ATG2B: variants seen among roughly 807,000 people sequenced by gnomAD.
ATG2B encodes the protein autophagy related 2B.
In ATG2B, 121 loss-of-function variants were observed where a neutral mutation model predicts 241.3. That is an observed-to-expected ratio of 0.50 (90% CI 0.43 to 0.58). ATG2B has a LOEUF of 0.58. Among genes scored for constraint, ATG2B ranks in the 20% least tolerant of loss-of-function variants. The pLI is 0.00. For missense variants in ATG2B, 2,306 were observed against 2,491.6 expected (o/e 0.93, Z 1.59); for synonymous variants, 858 against 876.6 (o/e 0.98, Z 0.37).
chr14:96,305,534 T>A (rs1886917453), intron 31 of ATG2B, 55 bp downstream of exon 31: 5 of 1,230,954 alleles, frequency 4.1e-6, no homozygotes, highest in Non-Finnish European at 5.7e-6. Flanking sequence ...ATTCTATTTT[T>A]CTAAGAAAAG....
Position 96,279,588 on chromosome 14 carries a change from T to A in ATG2B, c.*6167A>T, listed in dbSNP as rs1056448320. The A allele has an allele frequency of 2.0e-5, 3 of 152,112 alleles. No homozygotes were observed. Among genetic ancestry groups the A allele is most frequent in the Non-Finnish European group, 2.9e-5 (2 of 68,066 alleles). 9.4% of individuals were successfully genotyped at this position (152,112 alleles called of 1,614,324 possible). On this transcript the variant is annotated 3_prime_UTR_variant, in exon 42 of 42. Transcript: ENST00000359933. ...TTAACAAACAAAAAAAAGGAAAGCA[T>A]GCTATAGTGGGAAACAGAGAGGAAG... is the stretch of plus-strand genomic sequence containing the variant.
At chr14:96,307,180 G>C (rs1253172049) in intron 29 of ATG2B, among the ~76,000 whole-genome samples, 2 of 152,174 alleles carry the variant, frequency 1.3e-5, no homozygotes, top group Middle Eastern at 3.2e-3. Context: ...AGAAGGCCGA[G>C]ATGGGTGGAT....
rs1886137514 is a variant in ATG2B, at chr14:96,279,424, C to CAT, written c.*6330_*6331insAT. 2.1e-5 allele frequency: 1 copy of CAT among 47,310 alleles called. No homozygotes were observed. The highest frequency in any genetic ancestry group is 9.9e-5 in the African/African-American group (1 of 10,078). The allele number at this position is 47,310 out of a possible 1,614,324, so 2.9% of individuals were successfully genotyped here. A position where few individuals can be genotyped will look rare whatever the true frequency, so the allele number is the denominator to read the frequency against. On this transcript the variant is annotated 3_prime_UTR_variant, in exon 42 of 42. Coordinates refer to ENST00000359933, the MANE Select transcript of ATG2B (RefSeq NM_018036.7). The stretch of plus-strand genomic sequence containing the variant: ...ACTCACTCATTCATTCATTCATTCA[C>CAT]TCATTCACCATTTGCTGATCCCTGA...
intron 32 of ATG2B, among the ~76,000 whole-genome samples, chr14:96,303,842 A>G (rs8005385): frequency 0.25 from 37,771 of 152,088 alleles, 4,936 homozygotes; most frequent in Non-Finnish European, 0.28. Flanking sequence ...AAAATTCTCA[A>G]TAGGAATAAG....
At position 96,331,465 on chromosome 14, in the gene ATG2B, T is replaced by C; in HGVS notation, c.1641A>G (p.Ile547Met). 1 of 1,614,132 alleles carries C rather than the reference T, an allele frequency of 6.2e-7. No homozygotes were observed. The highest frequency in any genetic ancestry group is 1.1e-5 in the South Asian group (1 of 91,074). The change falls in exon 11 of 42, where the codon ATA (isoleucine) becomes ATG (methionine). Residue 547 changes from isoleucine (I) to methionine (M), a missense_variant. By Grantham distance (10) the Ile-to-Met change is conservative. Transcript: ENST00000359933. Reference sequence around the variant, plus strand: ...AAAATCTTGCTGGATCAATCTTTTCTATACAAGTAAAGAAAGCTACTGCCA... The same window carrying C: ...AAAATCTTGCTGGATCAATCTTTTCCATACAAGTAAAGAAAGCTACTGCCA... ...TPMAVAFFTC[I>M]EKIDPARFST...
chr14:96,341,597 C>T lies in ATG2B; in HGVS notation c.849G>A (p.Val283=), dbSNP rs1209361456. 6.2e-7 allele frequency: 1 copy of T among 1,607,028 alleles called. No homozygotes were observed. The highest frequency in any genetic ancestry group is 1.3e-5 in the African/African-American group (1 of 74,760). The change falls in exon 6 of 42, where the codon GTG becomes GTA. Residue 283 remains valine, a synonymous_variant. Transcript: ENST00000359933. Reference sequence around the variant, plus strand: ...ACCTACCAATTAACCGTCCAATCTGCACTGGGTCAGAAGGTGCTATCTCTG... The same window carrying T: ...ACCTACCAATTAACCGTCCAATCTGTACTGGGTCAGAAGGTGCTATCTCTG... ...NLPEIAPSDP[V]QIGRLIGRLE...
chr14:96,333,690 C>G lies in ATG2B; in HGVS notation c.1205G>C (p.Arg402Pro). The G allele has an allele frequency of 6.2e-7, 1 of 1,612,230 alleles. No individual in the cohort carries two copies. Among genetic ancestry groups the G allele is most frequent in the Non-Finnish European group, 8.5e-7 (1 of 1,179,242 alleles). The change falls in exon 8 of 42, where the codon CGT (arginine) becomes CCT (proline). Residue 402 changes from arginine to proline, a missense_variant and splice_region_variant. Coordinates refer to ENST00000359933, the MANE Select transcript of ATG2B (RefSeq NM_018036.7). ...ETETARTPSS[R>P]EEEVFFSMAD... Reference sequence around the variant, plus strand: ...TGTCAACAGTTTGAGTTGCTTACCACGGCTAGAAGGTGTACGAGCTGTTTC... The same window carrying G: ...TGTCAACAGTTTGAGTTGCTTACCAGGGCTAGAAGGTGTACGAGCTGTTTC...
At chr14:96,352,472 T>A (rs960120025) in intron 1 of ATG2B, among the ~76,000 whole-genome samples, 1 of 152,066 alleles carries the variant, frequency 6.6e-6, no homozygotes, top group African/African-American at 2.4e-5. Context: ...AAAGGACAGC[T>A]CCATGCATGT....
At position 96,332,661 on chromosome 14, in the gene ATG2B, G is replaced by A. The variant is rs1595318588; in HGVS notation, c.1208-6C>T. ...GGAGAAGAATACTTCTTCTTCTAGA[G>A]AGAATTAAACTATGTCACTTGTATT... On this transcript the variant is annotated splice_region_variant and splice_polypyrimidine_tract_variant and intron_variant, in intron 8 of 41. Coordinates refer to ENST00000359933, the MANE Select transcript of ATG2B (RefSeq NM_018036.7). 7.1e-6 allele frequency: 11 copies of A among 1,549,220 alleles called. No individual in the cohort carries two copies. The highest frequency in any genetic ancestry group is 2.2e-5 in the East Asian group (1 of 44,456).
At position 96,341,528 on chromosome 14, in the gene ATG2B, T is replaced by C. The variant is rs1404950478; in HGVS notation, c.918A>G (p.Gly306=). The C allele has an allele frequency of 1.3e-6, 2 of 1,577,968 alleles. No individual in the cohort carries two copies. Among genetic ancestry groups the C allele is most frequent in the Non-Finnish European group, 1.7e-6 (2 of 1,162,358 alleles). The stretch of plus-strand genomic sequence containing the variant: ...AAGTGAAACAAACACTGACCTTAGC[T>C]CCAGGAAGCACTTCATTCTGTTTCA... ...LTLKQNEVLP[G]AKLDVDGQID... is the part of the protein sequence containing the mutation. Residue 306 remains glycine (G), a synonymous_variant, in exon 6 of 42, where the codon GGA becomes GGG. Transcript: ENST00000359933.
At chr14:96,342,872 C>T (rs1888078500) in intron 5 of ATG2B, among the ~76,000 whole-genome samples, 1 of 151,992 alleles carries the variant, frequency 6.6e-6, no homozygotes, top group Non-Finnish European at 1.5e-5. Flanking sequence ...ACTTCTACAC[C>T]ATTTTCCCCC....
Position 96,332,356 on chromosome 14 carries a change from C to CTCT in ATG2B, c.1414_1416dup (p.Arg472dup), listed in dbSNP as rs770224794. The CTCT allele has an allele frequency of 8.7e-6, 14 of 1,613,732 alleles. No individual in the cohort carries two copies. Among genetic ancestry groups the CTCT allele is most frequent in the Non-Finnish European group, 1.2e-5 (14 of 1,179,832 alleles). ...ACTAGGTTGGATGGAAATGTTGACC[C>CTCT]TCTTACTGGCTGTTCTTTATGATGA... On this transcript the variant is annotated inframe_insertion, in exon 10 of 42. Transcript: ENST00000359933.
In ATG2B at chr14:96,290,251, G is replaced by T; in HGVS notation, c.5856+185C>A. Reference sequence around the variant, plus strand: ...AACAAATCTGACACTGTATTCCACTGCTTTATTCTAATTATTTAACACTAA... The same window carrying T: ...AACAAATCTGACACTGTATTCCACTTCTTTATTCTAATTATTTAACACTAA... On this transcript the variant is annotated intron_variant, in intron 40 of 41. Transcript: ENST00000359933. This position sits in a 1 kb window ranked among gnomAD's most constrained non-coding sequence, Gnocchi z 4.4. 1 of 1,247,936 alleles carries T rather than the reference G, an allele frequency of 8.0e-7. No individual in the cohort carries two copies. Among genetic ancestry groups the T allele is most frequent in the Non-Finnish European group, 1.1e-6 (1 of 948,772 alleles). The allele number at this position is 1,247,936 out of a possible 1,614,324, so 77.3% of individuals were successfully genotyped here.
At position 96,323,953 on chromosome 14, in the gene ATG2B, T is replaced by C. The variant is rs1887523585; in HGVS notation, c.2483A>G (p.His828Arg). 1.2e-6 allele frequency: 2 copies of C among 1,611,188 alleles called. No individual in the cohort carries two copies. Among genetic ancestry groups the C allele is most frequent in the Admixed American group, 1.7e-5 (1 of 59,372 alleles). ...ATCTCCATCTACTCCACTAGACACATGGAAAAACTTAATAGATGGATCTCC... is the reference window on the plus strand; with the variant it reads ...ATCTCCATCTACTCCACTAGACACACGGAAAAACTTAATAGATGGATCTCC... ...EKGDPSIKFFHVSSGVDGDTT... is the reference protein window; with the variant it reads ...EKGDPSIKFFRVSSGVDGDTT... Residue 828 changes from histidine (H) to arginine (R), a missense_variant, in exon 16 of 42, where the codon CAT becomes CGT. His to Arg is a conservative substitution (Grantham distance 29). Around this residue, in one of 2 missense-constraint regions of ATG2B, gnomAD observed 1,927 missense variants for 2,011.2 expected, o/e 0.96. Coordinates refer to ENST00000359933, the MANE Select transcript of ATG2B (RefSeq NM_018036.7).
chr14:96,338,368 C>G (rs1367816162), intron 6 of ATG2B, among the ~76,000 whole-genome samples: 1 of 151,980 alleles, frequency 6.6e-6, no homozygotes, highest in Non-Finnish European at 1.5e-5. Context: ...TGTTCCAGTT[C>G]TCAGGGGGAA....
chr14:96,360,022 T>C (rs1276080015), intron 1 of ATG2B, among the ~76,000 whole-genome samples: 2 of 152,220 alleles, frequency 1.3e-5, no homozygotes, highest in Non-Finnish European at 2.9e-5. Flanking sequence ...GGATGTTCCT[T>C]CCACTTCTGC....
chr14:96,342,813 A>G (rs1004379617), intron 5 of ATG2B, among the ~76,000 whole-genome samples: 4 of 152,068 alleles, frequency 2.6e-5, no homozygotes, highest in African/African-American at 9.7e-5. Context: ...CTATAAAAAT[A>G]TTCAAAAATC....
In ATG2B at chr14:96,290,729, G is replaced by C; in HGVS notation, c.5701+85C>G. On this transcript the variant is annotated intron_variant, in intron 39 of 41. Transcript: ENST00000359933. The surrounding 1 kb of genome is among the most constrained non-coding windows in gnomAD (Gnocchi z 4.4). The stretch of plus-strand genomic sequence containing the variant: ...ACATATGTGAGTTTTCTAGACTAAT[G>C]GTCCTCACATAAGTTCTCAAAGGGA... 1.9e-6 allele frequency: 3 copies of C among 1,539,860 alleles called. No individual in the cohort carries two copies. The highest frequency in any genetic ancestry group is 4.5e-5 in the East Asian group (2 of 44,352).
chr14:96,308,163 T>C (rs1208346901), intron 29 of ATG2B, among the ~76,000 whole-genome samples: 2 of 142,076 alleles, frequency 1.4e-5, no homozygotes, highest in Non-Finnish European at 3.0e-5. Flanking sequence ...CACACACACA[T>C]ATATAAATAT....
Sources: gnomAD v4.1 joint callset for allele counts (sites outside exome capture counted in the v4.1 genomes callset) on GRCh38, gnomAD v4.1.1 for gene constraint, gnomAD v4.1.1 regional missense constraint, Gnocchi (gnomAD v3.1) non-coding constraint, MANE v1.5 for transcripts, NCBI Gene and HGNC (gene_info 2026-07-23, HGNC 2026-07-21) for gene names.